The following LGALS9 variants were observed in gnomAD, a reference collection of about 807,000 sequenced individuals.
LGALS9 encodes the protein galectin-9.
A neutral mutation model predicts 35.9 loss-of-function variants in LGALS9; 26 were observed. That is an observed-to-expected ratio of 0.72 (90% CI 0.53 to 1.01). The LOEUF (loss-of-function observed/expected upper bound fraction) is 1.01. LGALS9 is among the 50% of genes least tolerant of loss of function. LGALS9 has a pLI of 0.00. For synonymous variants in LGALS9, 149 were observed against 172.2 expected (o/e 0.87, Z 1.06); for missense variants, 347 against 445.8 (o/e 0.78, Z 1.99).
chr17:27,631,664 G>T (rs2074394492), intron 1 of LGALS9, among the ~76,000 whole-genome samples: 1 of 152,138 alleles, frequency 6.6e-6, no homozygotes, highest in Non-Finnish European at 1.5e-5. Context: ...GTAGTTAAGG[G>T]TGCTTACTGT....
chr17:27,649,255 G>T lies in LGALS9; in HGVS notation c.*273G>T, dbSNP rs1905146593. The T allele has an allele frequency of 1.8e-6, 1 of 553,774 alleles. No homozygotes were observed. Among genetic ancestry groups the T allele is most frequent in the Non-Finnish European group, 3.3e-6 (1 of 305,560 alleles). 34.3% of individuals were successfully genotyped at this position (553,774 alleles called of 1,614,324 possible). On this transcript the variant is annotated 3_prime_UTR_variant, in exon 11 of 11. Coordinates refer to ENST00000395473, the MANE Select transcript of LGALS9 (RefSeq NM_009587.3). ...GGAGGCAGGCACAGCCAGGGAGAGGGGAGGAGTGGGCAGTGAAGATGAAGC... is the reference window on the plus strand; with the variant it reads ...GGAGGCAGGCACAGCCAGGGAGAGGTGAGGAGTGGGCAGTGAAGATGAAGC...
chr17:27,633,809 G>A (rs1308287952), intron 1 of LGALS9, among the ~76,000 whole-genome samples: 2 of 152,190 alleles, frequency 1.3e-5, no homozygotes, highest in Non-Finnish European at 2.9e-5. Flanking sequence ...AGCACACAGC[G>A]TTGCACCCAG....
At chr17:27,647,808 A>C (rs778053865) in intron 10 of LGALS9, among the ~76,000 whole-genome samples, 13 of 152,242 alleles carry the variant, frequency 8.5e-5, no homozygotes, top group Non-Finnish European at 1.9e-4. Flanking sequence ...CATGAAGCAC[A>C]CAGACAGGGT....
At chr17:27,641,769 T>G (rs1391223414) in intron 3 of LGALS9, among the ~76,000 whole-genome samples, 2 of 151,464 alleles carry the variant, frequency 1.3e-5, no homozygotes, top group Admixed American at 6.6e-5. Context: ...AGGTCAGGAG[T>G]CCAAGACCAG....
chr17:27,648,358 C>T (rs1374624879), intron 10 of LGALS9, among the ~76,000 whole-genome samples: 1 of 152,212 alleles, frequency 6.6e-6, no homozygotes, highest in Non-Finnish European at 1.5e-5. Context: ...TCATGAATTT[C>T]CTAGAGTTGT....
At chr17:27,640,541 A>G (rs769609232) in intron 2 of LGALS9, 31 bp from the exon 3 acceptor site, 1 of 1,613,640 alleles carries the variant, frequency 6.2e-7, no homozygotes, top group South Asian at 1.1e-5. Context: ...AATCCATGCC[A>G]CAGAAGACTA....
intron 1 of LGALS9, among the ~76,000 whole-genome samples, chr17:27,637,626 G>A (rs1402833988): frequency 6.6e-6 from 1 of 152,234 alleles, no homozygotes; most frequent in African/African-American, 2.4e-5. Flanking sequence ...AGAGGAGGGG[G>A]CTGCCCCACG....
chr17:27,645,319 C>T lies in LGALS9; in HGVS notation c.546C>T (p.Pro182=), dbSNP rs139970251. ...GACTCTCCTCACCCCTCCAGCCTCC[C>T]GGCGTGTGGCCTGCCAACCCGGCTC... ...PRPRGRRQKP[P]GVWPANPAPI... is the part of the protein sequence containing the mutation. Residue 182 remains proline, a synonymous_variant, in exon 6 of 11, where the codon CCC becomes CCT. Coordinates refer to ENST00000395473, the MANE Select transcript of LGALS9 (RefSeq NM_009587.3). The T allele has an allele frequency of 2.3e-4, 364 of 1,613,828 alleles. 1 individual carries two copies. The highest frequency in any genetic ancestry group is 3.7e-4 in the Admixed American group (22 of 59,978).
intron 1 of LGALS9, among the ~76,000 whole-genome samples, chr17:27,635,781 A>C (rs2074443397): frequency 6.6e-6 from 1 of 152,168 alleles, no homozygotes; most frequent in South Asian, 2.1e-4. Context: ...TGATAGTATG[A>C]AAGGCTCTGG....
chr17:27,639,373 G>A (rs2074490995), intron 2 of LGALS9, among the ~76,000 whole-genome samples: 1 of 151,448 alleles, frequency 6.6e-6, no homozygotes, highest in African/African-American at 2.4e-5. Flanking sequence ...CCAGCACCAG[G>A]AGGGCTTCCC....
Position 27,649,062 on chromosome 17 carries a change from G to C in LGALS9, c.*80G>C. The stretch of plus-strand genomic sequence containing the variant: ...TCATCATCCCCACTTCCCAGGCCCA[G>C]CCTTTCCAACCCTGCCTGGGATCTG... On this transcript the variant is annotated 3_prime_UTR_variant, in exon 11 of 11. Transcript: ENST00000395473. 6.3e-7 allele frequency: 1 copy of C among 1,598,664 alleles called. No homozygotes were observed. Among genetic ancestry groups the C allele is most frequent in the Non-Finnish European group, 8.5e-7 (1 of 1,170,168 alleles).
chr17:27,631,803 G>C (rs1359464309), intron 1 of LGALS9, among the ~76,000 whole-genome samples: 2 of 152,064 alleles, frequency 1.3e-5, no homozygotes, highest in African/African-American at 4.8e-5. Context: ...TAAGGAAGTA[G>C]TGTATCTAGT....
At chr17:27,637,351 G>T (rs139575173) in intron 1 of LGALS9, among the ~76,000 whole-genome samples, 1 of 152,302 alleles carries the variant, frequency 6.6e-6, no homozygotes, top group Non-Finnish European at 1.5e-5. Flanking sequence ...TTTTACAGAT[G>T]AGGAAACTGA....
At chr17:27,634,812 G>A (rs888292935) in intron 1 of LGALS9, among the ~76,000 whole-genome samples, 13 of 152,152 alleles carry the variant, frequency 8.5e-5, no homozygotes, top group African/African-American at 2.2e-4. Flanking sequence ...ATTCGAATGT[G>A]GATGTTTCTG....
At chr17:27,637,238 G>A (rs921370568) in intron 1 of LGALS9, among the ~76,000 whole-genome samples, 5 of 152,286 alleles carry the variant, frequency 3.3e-5, no homozygotes, top group African/African-American at 1.2e-4. Flanking sequence ...AAGGTGGGGG[G>A]TGGGTGACAG....
At chr17:27,641,132 C>G (rs1370968502) in intron 3 of LGALS9, 1 of 432,362 alleles carries the variant, frequency 2.3e-6, no homozygotes, top group Non-Finnish European at 4.5e-6. Context: ...ATCGTTCCAG[C>G]CTTTATCCAG....
intron 8 of LGALS9, 59 bp downstream of exon 8, chr17:27,646,647 A>C: frequency 3.8e-5 from 62 of 1,611,782 alleles, no homozygotes; most frequent in Non-Finnish European, 5.3e-5. Context: ...CTGGGGGTGA[A>C]GGGCCGCTGT....
At position 27,643,579 on chromosome 17, in the gene LGALS9, C is replaced by G. The variant is rs747504001; in HGVS notation, c.499C>G (p.Pro167Ala). 1.1e-5 allele frequency: 17 copies of G among 1,611,758 alleles called. No individual in the cohort carries two copies. Among genetic ancestry groups the G allele is most frequent in the East Asian group, 2.2e-5 (1 of 44,886 alleles). The change falls in exon 5 of 11, where the codon CCT becomes GCT. Residue 167 changes from proline (P) to alanine (A), a missense_variant. Transcript: ENST00000395473. The part of the protein sequence containing the change: ...PAFSTVPFSQ[P>A]VCFPPRPRGR... ...CTTCTCCACGGTGCCGTTCTCCCAGCCTGTCTGTTTCCCACCCAGGCCCAG... is the reference window on the plus strand; with the variant it reads ...CTTCTCCACGGTGCCGTTCTCCCAGGCTGTCTGTTTCCCACCCAGGCCCAG...
intron 1 of LGALS9, among the ~76,000 whole-genome samples, chr17:27,636,261 G>A (rs571478272): frequency 2.2e-4 from 33 of 152,252 alleles, no homozygotes; most frequent in African/African-American, 6.5e-4. Flanking sequence ...TTCTTTTAAC[G>A]TTTTATTATA....
Sources: allele counts gnomAD v4.1 joint callset (sites outside exome capture counted in the v4.1 genomes callset), GRCh38; gene constraint gnomAD v4.1.1; transcripts MANE v1.5; gene names NCBI Gene and HGNC (gene_info 2026-07-23, HGNC 2026-07-21).